PLCB1: variants seen among roughly 807,000 people sequenced by gnomAD.
PLCB1 encodes 1-phosphatidylinositol 4,5-bisphosphate phosphodiesterase beta-1.
Under a neutral mutation model 161.8 loss-of-function variants are expected in PLCB1, and 46 were observed. The observed-to-expected ratio is 0.28, with a 90% confidence interval of 0.22 to 0.36. PLCB1 has a LOEUF of 0.36. PLCB1 is among the 10% of genes least tolerant of loss of function. The probability of loss-of-function intolerance (pLI) is 1.00; values close to 1 mark genes in which losing one functional copy is unlikely to be tolerated. For missense variants in PLCB1, 1,016 were observed against 1,472.5 expected (o/e 0.69, Z 5.07); for synonymous variants, 517 against 503.7 (o/e 1.03, Z -0.35).
At chr20:8,457,734 A>G (rs915723498) in intron 3 of PLCB1, among the ~76,000 whole-genome samples, 1 of 151,688 alleles carries the variant, frequency 6.6e-6, no homozygotes, top group Non-Finnish European at 1.5e-5. Context: ...ACACACACAC[A>G]CACACACACA....
intron 2 of PLCB1, among the ~76,000 whole-genome samples, chr20:8,321,553 G>A (rs1984921006): frequency 6.6e-6 from 1 of 152,114 alleles, no homozygotes; most frequent in Non-Finnish European, 1.5e-5. Flanking sequence ...GGGAACAGTA[G>A]GATTCTGATA....
intron 3 of PLCB1, among the ~76,000 whole-genome samples, chr20:8,572,703 T>A (rs1986559214): frequency 6.6e-6 from 1 of 152,142 alleles, no homozygotes; most frequent in Admixed American, 6.6e-5. Flanking sequence ...CAGACTTCAG[T>A]TACAAAACAC....
At chr20:8,662,595 AT>A (rs1423250904) in intron 9 of PLCB1, among the ~76,000 whole-genome samples, 3 of 146,236 alleles carry the variant, frequency 2.1e-5, no homozygotes, top group Non-Finnish European at 4.5e-5. Context: ...ATCTAAATAT[AT>A]TAATAATCTA....
intron 2 of PLCB1, among the ~76,000 whole-genome samples, chr20:8,364,425 A>C (rs913286183): frequency 1.3e-5 from 2 of 152,176 alleles, no homozygotes; most frequent in Non-Finnish European, 2.9e-5. Flanking sequence ...AATTTATGCT[A>C]TGATATTTAT....
intron 2 of PLCB1, among the ~76,000 whole-genome samples, chr20:8,163,988 T>A (rs1405921058): frequency 1.3e-5 from 2 of 152,224 alleles, no homozygotes; most frequent in African/African-American, 4.8e-5. Flanking sequence ...GAAAAATGGC[T>A]GAAGATCAGC....
At chr20:8,450,751 C>T (rs1170466865) in intron 3 of PLCB1, among the ~76,000 whole-genome samples, 1 of 152,102 alleles carries the variant, frequency 6.6e-6, no homozygotes, top group Non-Finnish European at 1.5e-5. Context: ...CTACCATCCT[C>T]CATTTATTAC....
At chr20:8,274,228 G>T (rs1042888288) in intron 2 of PLCB1, among the ~76,000 whole-genome samples, 2 of 151,526 alleles carry the variant, frequency 1.3e-5, no homozygotes, top group African/African-American at 4.9e-5. Flanking sequence ...CAAAATCAGA[G>T]CCCCAAGTCT....
chr20:8,550,801 G>A (rs1366370766), intron 3 of PLCB1, among the ~76,000 whole-genome samples: 2 of 152,072 alleles, frequency 1.3e-5, no homozygotes, highest in African/African-American at 4.8e-5. Context: ...ATAACTCCTA[G>A]CAACAACTCC....
intron 3 of PLCB1, among the ~76,000 whole-genome samples, chr20:8,589,073 G>A (rs1252757214): frequency 6.6e-6 from 1 of 152,180 alleles, no homozygotes; most frequent in Admixed American, 6.5e-5. Context: ...GTCCAGTACA[G>A]GCTCCAAGAG....
intron 2 of PLCB1, among the ~76,000 whole-genome samples, chr20:8,167,931 A>G (rs1164254248): frequency 6.6e-6 from 1 of 151,846 alleles, no homozygotes; most frequent in Admixed American, 6.6e-5. Flanking sequence ...GCAGCTACTC[A>G]TGGGTTGGAT....
chr20:8,797,709 G>C (rs1344380999), intron 31 of PLCB1, among the ~76,000 whole-genome samples: 1 of 152,154 alleles, frequency 6.6e-6, no homozygotes, highest in Non-Finnish European at 1.5e-5. Context: ...TTCTCACTCT[G>C]GGAAAGCCTC....
chr20:8,751,239 C>T (rs1422529867), intron 23 of PLCB1: 4 of 185,934 alleles, frequency 2.2e-5, no homozygotes, highest in South Asian at 2.0e-4. Context: ...CCACCGCGCC[C>T]GGCCGGAACT....
At chr20:8,846,416 T>A (rs1038423256) in intron 31 of PLCB1, among the ~76,000 whole-genome samples, 1 of 152,076 alleles carries the variant, frequency 6.6e-6, no homozygotes, top group East Asian at 1.9e-4. Context: ...AGCACAACAC[T>A]GGTACAACCT....
chr20:8,712,685 G>A (rs1286327452), intron 12 of PLCB1, among the ~76,000 whole-genome samples: 1 of 152,166 alleles, frequency 6.6e-6, no homozygotes, highest in Admixed American at 6.5e-5. Flanking sequence ...AATTTCCATG[G>A]ATTGCAGATT....
intron 2 of PLCB1, among the ~76,000 whole-genome samples, chr20:8,262,960 A>G (rs1051913285): frequency 8.5e-5 from 13 of 152,274 alleles, no homozygotes; most frequent in Middle Eastern, 3.4e-3. Context: ...AAACCTAATT[A>G]CCTCACAAAG....
chr20:8,869,443 C>A (rs532395551), intron 31 of PLCB1, among the ~76,000 whole-genome samples: 1 of 152,132 alleles, frequency 6.6e-6, no homozygotes, highest in Non-Finnish European at 1.5e-5. Flanking sequence ...GCTGGGCTGA[C>A]GTGGCCTGCT....
At chr20:8,331,767 C>T (rs1046468579) in intron 2 of PLCB1, among the ~76,000 whole-genome samples, 9 of 152,174 alleles carry the variant, frequency 5.9e-5, no homozygotes, top group African/African-American at 1.9e-4. Context: ...ATCCCTTAAA[C>T]TAGAAGAGGT....
intron 2 of PLCB1, among the ~76,000 whole-genome samples, chr20:8,344,594 T>C (rs1012415328): frequency 6.6e-6 from 1 of 152,156 alleles, no homozygotes; most frequent in Non-Finnish European, 1.5e-5. Flanking sequence ...CTCCCAGTAC[T>C]GCAGCCCACC....
chr20:8,733,816 TA>T, intron 19 of PLCB1, among the ~76,000 whole-genome samples: 1 of 145,430 alleles, frequency 6.9e-6, no homozygotes, highest in Non-Finnish European at 1.5e-5. Flanking sequence ...ATAATAATAA[TA>T]ATAATAATAA....
Sources: gnomAD v4.1 joint callset for allele counts (sites outside exome capture counted in the v4.1 genomes callset) on GRCh38, gnomAD v4.1.1 for gene constraint, MANE v1.5 for transcripts, NCBI Gene and HGNC (gene_info 2026-07-23, HGNC 2026-07-21) for gene names.